The following CSMD1 variants were observed in gnomAD, a reference collection of about 807,000 sequenced individuals.
The protein encoded by CSMD1 is CUB and sushi domain-containing protein 1.
A neutral mutation model predicts 417.5 loss-of-function variants in CSMD1; 213 were observed. The ratio of observed to expected loss-of-function variants is 0.51; its 90% CI spans 0.46 to 0.57. The LOEUF is 0.57. CSMD1 is among the 20% of genes least tolerant of loss of function. CSMD1 has a pLI of 0.00. For synonymous variants in CSMD1, 2,862 were observed against 1,736.8 expected (o/e 1.65, Z -16.11); for missense variants, 6,923 against 4,529.7 (o/e 1.53, Z -15.17).
chr8:3,751,728 A>G (rs773969664), intron 6 of CSMD1, among the ~76,000 whole-genome samples: 2 of 152,062 alleles, frequency 1.3e-5, no homozygotes, highest in Non-Finnish European at 2.9e-5. Context: ...ACCATCTTGG[A>G]GCAGCTTCAA....
intron 3 of CSMD1, among the ~76,000 whole-genome samples, chr8:4,163,385 G>A (rs745701357): frequency 6.6e-6 from 1 of 152,104 alleles, no homozygotes; most frequent in Non-Finnish European, 1.5e-5. Context: ...CCATATCCAA[G>A]ACAGCAATCT....
At chr8:4,133,551 G>C (rs540847989) in intron 3 of CSMD1, among the ~76,000 whole-genome samples, 1 of 152,076 alleles carries the variant, frequency 6.6e-6, no homozygotes. Context: ...ATGGTATAAG[G>C]GTTTTGTAGG....
At chr8:4,248,524 G>C (rs910409959) in intron 3 of CSMD1, among the ~76,000 whole-genome samples, 4 of 152,150 alleles carry the variant, frequency 2.6e-5, no homozygotes, top group South Asian at 2.1e-4. Context: ...CTAACAGGAG[G>C]ATTTTAGGTT....
chr8:4,424,839 G>T (rs550533297), intron 2 of CSMD1, among the ~76,000 whole-genome samples: 55 of 152,064 alleles, frequency 3.6e-4, no homozygotes, highest in Admixed American at 3.4e-3. Context: ...TGAGAAACTG[G>T]TATACAGTAC....
intron 5 of CSMD1, among the ~76,000 whole-genome samples, chr8:3,945,722 T>C (rs1357058924): frequency 6.6e-6 from 1 of 152,110 alleles, no homozygotes. Context: ...TTTCCTTACC[T>C]TAGGTTACTA....
intron 3 of CSMD1, among the ~76,000 whole-genome samples, chr8:4,346,200 A>G (rs1355412842): frequency 6.6e-6 from 1 of 152,160 alleles, no homozygotes; most frequent in Non-Finnish European, 1.5e-5. Context: ...ATTTATCTGG[A>G]CAGCTCATTT....
intron 1 of CSMD1, among the ~76,000 whole-genome samples, chr8:4,840,059 G>A (rs765020415): frequency 2.0e-5 from 3 of 152,138 alleles, no homozygotes; most frequent in Admixed American, 1.3e-4. Context: ...GGCTTTCCTC[G>A]GTGGACCGCA....
At chr8:4,921,007 GAAA>G in intron 1 of CSMD1, among the ~76,000 whole-genome samples, 1 of 12,706 alleles carries the variant, frequency 7.9e-5, no homozygotes, top group African/African-American at 1.8e-4. Flanking sequence ...AAGAAAGAAA[GAAA>G]GAAAAGAAAG....
rs796199884 is a variant in CSMD1 at position 4,321,572 on chromosome 8, G to T, written c.415+98381C>A. 3.3e-5 allele frequency among the ~76,000 whole-genome samples: 5 copies of T among 152,020 alleles called. No individual in the cohort carries two copies. In the South Asian group the frequency reaches 1.0e-3, roughly 32 times the overall value. On this transcript the variant is annotated intron_variant, in intron 3 of 69. Transcript: ENST00000635120. Reference sequence around the variant, plus strand: ...ATCACAGATATAACAGACAATAAATGGTGTGAGTATCTGGTATATAACAGG... The same window carrying T: ...ATCACAGATATAACAGACAATAAATTGTGTGAGTATCTGGTATATAACAGG...
chr8:4,521,316 T>A (rs955503133), intron 2 of CSMD1, among the ~76,000 whole-genome samples: 2 of 151,886 alleles, frequency 1.3e-5, no homozygotes, highest in South Asian at 4.2e-4. Flanking sequence ...TGAGTAAAGA[T>A]AGGAAATGGG....
chr8:4,327,791 C>T (rs975473985), intron 3 of CSMD1, among the ~76,000 whole-genome samples: 1 of 152,138 alleles, frequency 6.6e-6, no homozygotes, highest in South Asian at 2.1e-4. Context: ...CCAAATGTAA[C>T]TTTTCTTGCT....
At chr8:2,989,338 T>C (rs556325723) in intron 54 of CSMD1, among the ~76,000 whole-genome samples, 1 of 152,160 alleles carries the variant, frequency 6.6e-6, no homozygotes, top group Non-Finnish European at 1.5e-5. Flanking sequence ...TGAATCTTAG[T>C]TCTGAAATAA....
At chr8:4,630,988 G>A (rs1802476912) in intron 2 of CSMD1, among the ~76,000 whole-genome samples, 1 of 152,126 alleles carries the variant, frequency 6.6e-6, no homozygotes, top group African/African-American at 2.4e-5. Flanking sequence ...ATATGAGGCT[G>A]GTGTCCCTAT....
chr8:4,423,253 T>A (rs1163367645), intron 2 of CSMD1, among the ~76,000 whole-genome samples: 2 of 152,040 alleles, frequency 1.3e-5, no homozygotes, highest in African/African-American at 2.4e-5. Context: ...ATGGGTCAGA[T>A]AGGAATAAAT....
intron 3 of CSMD1, among the ~76,000 whole-genome samples, chr8:4,208,491 C>A (rs901617774): frequency 1.3e-5 from 2 of 152,082 alleles, no homozygotes; most frequent in African/African-American, 2.4e-5. Context: ...CATCTGCGTT[C>A]TGTAGTTTAT....
chr8:3,294,871 G>C (rs1402023976), intron 25 of CSMD1, among the ~76,000 whole-genome samples: 2 of 152,066 alleles, frequency 1.3e-5, no homozygotes, highest in Non-Finnish European at 2.9e-5. Context: ...GATGTACCCG[G>C]TACCTTAGTT....
intron 7 of CSMD1, among the ~76,000 whole-genome samples, chr8:3,684,974 A>C (rs547190333): frequency 1.2e-4 from 19 of 152,308 alleles, no homozygotes; most frequent in African/African-American, 2.4e-4. Context: ...CTGTGGTAGG[A>C]AAGTCAATAC....
intron 30 of CSMD1, among the ~76,000 whole-genome samples, chr8:3,207,022 C>G (rs186995467): frequency 4.1e-4 from 62 of 152,200 alleles, no homozygotes; most frequent in African/African-American, 1.5e-3. Context: ...TGTGGCCTGA[C>G]TGCACTTCCT....
chr8:4,776,122 C>G (rs1796841322), intron 1 of CSMD1, among the ~76,000 whole-genome samples: 1 of 152,066 alleles, frequency 6.6e-6, no homozygotes, highest in African/African-American at 2.4e-5. Flanking sequence ...CCAGGACAAT[C>G]ACAGATGATC....
Sources: gnomAD v4.1 joint callset for allele counts (sites outside exome capture counted in the v4.1 genomes callset) on GRCh38, gnomAD v4.1.1 for gene constraint, MANE v1.5 for transcripts, NCBI Gene and HGNC (gene_info 2026-07-23, HGNC 2026-07-21) for gene names.